DOK6: variants seen among roughly 807,000 people sequenced by gnomAD.
The protein encoded by DOK6 is downstream of tyrosine kinase 6.
A neutral mutation model predicts 44.0 loss-of-function variants in DOK6; 22 were observed. The ratio of observed to expected loss-of-function variants is 0.50; its 90% CI spans 0.36 to 0.71. The LOEUF (loss-of-function observed/expected upper bound fraction) is 0.71. Among genes scored for constraint, DOK6 ranks in the 30% least tolerant of loss-of-function variants. The pLI, the probability that DOK6 is intolerant of heterozygous loss-of-function variation, is 0.00. For missense variants in DOK6, 340 were observed against 416.4 expected, an observed-to-expected ratio of 0.82 and a Z score of 1.60; for synonymous variants, 166 against 145.5, an observed-to-expected ratio of 1.14 and a Z score of -1.01.
At chr18:69,737,926 A>G (rs1978668123) in intron 5 of DOK6, among the ~76,000 whole-genome samples, 1 of 152,204 alleles carries the variant, frequency 6.6e-6, no homozygotes, top group African/African-American at 2.4e-5. Context: ...GCTACTTATC[A>G]ATGGTTTTGT....
At chr18:69,836,956 A>T (rs1982071163) in intron 7 of DOK6, among the ~76,000 whole-genome samples, 1 of 152,236 alleles carries the variant, frequency 6.6e-6, no homozygotes, top group African/African-American at 2.4e-5. Flanking sequence ...TGACTGAGGT[A>T]TGCTATTTTT....
chr18:69,419,955 T>C (rs1179636357), intron 1 of DOK6, among the ~76,000 whole-genome samples: 1 of 152,214 alleles, frequency 6.6e-6, no homozygotes, highest in South Asian at 2.1e-4. Context: ...TTGATTGCAA[T>C]GTAAAGCCTG....
At chr18:69,457,405 A>G (rs1028924912) in intron 1 of DOK6, among the ~76,000 whole-genome samples, 1 of 152,046 alleles carries the variant, frequency 6.6e-6, no homozygotes, top group Admixed American at 6.6e-5. Context: ...TTGAATAGAG[A>G]GTCCTTTCTC....
At chr18:69,744,963 A>AT (rs1192240598) in intron 6 of DOK6, among the ~76,000 whole-genome samples, 1 of 150,898 alleles carries the variant, frequency 6.6e-6, no homozygotes, top group Non-Finnish European at 1.5e-5. Context: ...ACACATACAC[A>AT]TGCCCAAGGA....
intron 2 of DOK6, among the ~76,000 whole-genome samples, chr18:69,596,562 G>A (rs755424154): frequency 4.0e-5 from 6 of 151,672 alleles, no homozygotes; most frequent in Middle Eastern, 3.4e-3. Flanking sequence ...ACTGTAGACT[G>A]GAAGGCAGTG....
chr18:69,784,476 T>G (rs977038138), intron 7 of DOK6, among the ~76,000 whole-genome samples: 3 of 151,260 alleles, frequency 2.0e-5, no homozygotes, highest in African/African-American at 7.3e-5. Flanking sequence ...ATTTTATAAT[T>G]TAATATAAAA....
At chr18:69,540,106 G>A (rs1431459527) in intron 1 of DOK6, among the ~76,000 whole-genome samples, 1 of 152,124 alleles carries the variant, frequency 6.6e-6, no homozygotes, top group African/African-American at 2.4e-5. Context: ...ACTGCCCCCA[G>A]GATCCAATCA....
chr18:69,834,028 G>T (rs531743225), intron 7 of DOK6, among the ~76,000 whole-genome samples: 10 of 152,202 alleles, frequency 6.6e-5, no homozygotes, highest in African/African-American at 2.4e-4. Context: ...CCACTTCTAG[G>T]TACACATCCA....
chr18:69,523,871 G>A (rs1568284922), intron 1 of DOK6, among the ~76,000 whole-genome samples: 1 of 151,938 alleles, frequency 6.6e-6, no homozygotes, highest in East Asian at 1.9e-4. Flanking sequence ...GACAGAGAAT[G>A]CATGAACATC....
chr18:69,481,998 T>A (rs1450907375), intron 1 of DOK6, among the ~76,000 whole-genome samples: 1 of 152,244 alleles, frequency 6.6e-6, no homozygotes, highest in Non-Finnish European at 1.5e-5. Flanking sequence ...TTTTCATGTG[T>A]CTTTTGGCTG....
chr18:69,480,698 G>A (rs1410447970), intron 1 of DOK6, among the ~76,000 whole-genome samples: 6 of 152,126 alleles, frequency 3.9e-5, no homozygotes, highest in East Asian at 1.9e-4. Context: ...TGTCTTACAC[G>A]TGTGGGGAAG....
At position 69,401,123 on chromosome 18, in the gene DOK6, G is replaced by T. The variant is rs1184214926; in HGVS notation, c.-122G>T. ...CCGGCGGGAGCTCGGGGAAGAGCGG[G>T]CGGCGGCGCTGCTGCTGGCGGCGGC... is the stretch of plus-strand genomic sequence containing the variant. On this transcript the variant is annotated 5_prime_UTR_variant, in exon 1 of 8. Coordinates refer to ENST00000382713, the MANE Select transcript of DOK6 (RefSeq NM_152721.6). 2.4e-5 allele frequency: 24 copies of T among 984,642 alleles called. No individual in the cohort carries two copies. The highest frequency in any genetic ancestry group is 3.5e-5 in the African/African-American group (2 of 57,784). 61.0% of individuals were successfully genotyped at this position (984,642 alleles called of 1,614,324 possible).
chr18:69,667,660 G>A (rs1451780622), intron 3 of DOK6, among the ~76,000 whole-genome samples: 1 of 152,070 alleles, frequency 6.6e-6, no homozygotes, highest in East Asian at 1.9e-4. Flanking sequence ...TTTTGTTCTT[G>A]GCTTTCAGCA....
intron 5 of DOK6, among the ~76,000 whole-genome samples, chr18:69,699,525 C>A (rs1986464827): frequency 1.3e-5 from 2 of 151,868 alleles, no homozygotes; most frequent in African/African-American, 2.4e-5. Flanking sequence ...GTCTGGGGCC[C>A]TTTTGCACTA....
chr18:69,811,524 T>TTTTA (rs1981225622), intron 7 of DOK6, among the ~76,000 whole-genome samples: 1 of 93,758 alleles, frequency 1.1e-5, no homozygotes, highest in South Asian at 3.8e-4. Context: ...AACCATTCCA[T>TTTTA]TATATATATA....
chr18:69,429,616 GATACATATATATATATATATATATAT>G (rs1568254528), intron 1 of DOK6, among the ~76,000 whole-genome samples: 2 of 78,148 alleles, frequency 2.6e-5, no homozygotes, highest in African/African-American at 9.0e-5. Context: ...AATATTGAGG[GATACATATATATATATATATATATAT>G]ATATATATAT....
rs10513980 is a variant in DOK6 at position 69,826,925 on chromosome 18, G to C, written c.857-14319G>C. Reference sequence around the variant, plus strand: ...TTCTCAACTCTCCTATTGGATGCTAGAGGATTATAATTTGCTGCAGAAAAT... The same window carrying C: ...TTCTCAACTCTCCTATTGGATGCTACAGGATTATAATTTGCTGCAGAAAAT... On this transcript the variant is annotated intron_variant, in intron 7 of 7. Coordinates refer to ENST00000382713, the MANE Select transcript of DOK6 (RefSeq NM_152721.6). Among the ~76,000 whole-genome samples the C allele has an allele frequency of 8.6e-3, 1,314 of 152,256 alleles. 22 individuals carry two copies. Among genetic ancestry groups the C allele is most frequent in the East Asian group, 0.076 (394 of 5,186 alleles).
intron 3 of DOK6, among the ~76,000 whole-genome samples, chr18:69,630,781 A>G (rs1984672922): frequency 6.6e-6 from 1 of 152,198 alleles, no homozygotes; most frequent in South Asian, 2.1e-4. Flanking sequence ...GTATAATACA[A>G]ATCATTACTG....
At chr18:69,676,417 G>A (rs1985923677) in intron 3 of DOK6, among the ~76,000 whole-genome samples, 1 of 152,098 alleles carries the variant, frequency 6.6e-6, no homozygotes, top group Non-Finnish European at 1.5e-5. Context: ...TGATGGTGTT[G>A]ACCATCAAGG....
Sources: gnomAD v4.1 joint callset for allele counts (sites outside exome capture counted in the v4.1 genomes callset) on GRCh38, gnomAD v4.1.1 for gene constraint, MANE v1.5 for transcripts, NCBI Gene and HGNC (gene_info 2026-07-23, HGNC 2026-07-21) for gene names.